The following HSPA12A variants were observed in gnomAD, a reference collection of about 807,000 sequenced individuals.
HSPA12A encodes heat shock protein family A (Hsp70) member 12A.
HSPA12A carries 28 observed loss-of-function variants against 69.2 expected under a neutral mutation model. That is an observed-to-expected ratio of 0.40 (90% CI 0.30 to 0.55). HSPA12A has a LOEUF of 0.55. HSPA12A is among the 20% of genes least tolerant of loss of function. The pLI is 0.38. For missense variants in HSPA12A, 686 were observed against 900.7 expected, an observed-to-expected ratio of 0.76 and a Z score of 3.05; for synonymous variants, 345 against 370.5, an observed-to-expected ratio of 0.93 and a Z score of 0.79.
chr10:116,782,360 C>T (rs1554891888), intron 2 of HSPA12A, among the ~76,000 whole-genome samples: 1 of 152,258 alleles, frequency 6.6e-6, no homozygotes, highest in Non-Finnish European at 1.5e-5. Context: ...AGCAACCCCA[C>T]TAGCATAGCC....
Position 116,710,607 on chromosome 10 carries a change from A to G in HSPA12A, c.41-3322T>C, listed in dbSNP as rs1850392238. On this transcript the variant is annotated intron_variant, in intron 1 of 11. Transcript: ENST00000369209. This position sits in a 1 kb window ranked among gnomAD's most constrained non-coding sequence, Gnocchi z 4.1. ...CATTTGACTTGCTGATCACTCAGCC[A>G]GGCCTAGAGGCAGCCGAACTTCATG... is the stretch of plus-strand genomic sequence containing the variant. Among the ~76,000 whole-genome samples, 1 of 152,228 alleles carries G rather than the reference A, an allele frequency of 6.6e-6. No homozygotes were observed. Among genetic ancestry groups the G allele is most frequent in the Non-Finnish European group, 1.5e-5 (1 of 68,034 alleles).
chr10:116,678,586 G>GAAA (rs11435803), intron 10 of HSPA12A, among the ~76,000 whole-genome samples: 6 of 128,650 alleles, frequency 4.7e-5, no homozygotes, highest in Non-Finnish European at 6.3e-5. Context: ...GGTACAAAGT[G>GAAA]AAAAAAAAAA....
At chr10:116,808,695 G>A (rs1845116107) in intron 2 of HSPA12A, among the ~76,000 whole-genome samples, 1 of 152,122 alleles carries the variant, frequency 6.6e-6, no homozygotes, top group East Asian at 1.9e-4. Flanking sequence ...ATCCATGATT[G>A]TGCTGCCATC....
intron 2 of HSPA12A, among the ~76,000 whole-genome samples, chr10:116,795,266 T>A (rs1054801185): frequency 7.9e-5 from 12 of 152,208 alleles, no homozygotes; most frequent in African/African-American, 2.9e-4. Context: ...AGAGGATGAT[T>A]TTCAGTGTAC....
chr10:116,728,427 A>G (rs1554885321), intron 1 of HSPA12A, among the ~76,000 whole-genome samples: 2 of 152,232 alleles, frequency 1.3e-5, no homozygotes, highest in Non-Finnish European at 2.9e-5. Flanking sequence ...TAATTCAATA[A>G]GCTACCACAA....
intron 1 of HSPA12A, among the ~76,000 whole-genome samples, chr10:116,843,066 A>G (rs896109610): frequency 2.0e-5 from 3 of 152,248 alleles, no homozygotes; most frequent in Admixed American, 6.5e-5. Context: ...TTTGGTCTTC[A>G]GTGTCAAAGG....
At chr10:116,678,012 G>A (rs2420325) in intron 10 of HSPA12A, among the ~76,000 whole-genome samples, 94,008 of 151,182 alleles carry the variant, frequency 0.62, 30,333 homozygotes, top group South Asian at 0.81. Flanking sequence ...CATAAATGGA[G>A]GTTGAAACCC....
Position 116,683,878 on chromosome 10 carries a change from G to T in HSPA12A, c.748C>A (p.Arg250=), listed in dbSNP as rs1487123873. 5 of 1,597,860 alleles carry T rather than the reference G, an allele frequency of 3.1e-6. No individual in the cohort carries two copies. The highest frequency in any genetic ancestry group is 4.3e-6 in the Non-Finnish European group (5 of 1,167,576). Residue 250 remains arginine, a synonymous_variant, in exon 7 of 12, where the codon CGG becomes AGG. Coordinates refer to ENST00000369209, the MANE Select transcript of HSPA12A (RefSeq NM_025015.3). ...CTCAGCTCAATCATCTGGTGTAGCC[G>T]CAGCTTTCGGCAGTAGATAGAGGCT... The part of the protein sequence containing the change: ...EAASIYCRKL[R]LHQMIELSSK...
chr10:116,755,329 C>T (rs1486062267), intron 2 of HSPA12A, among the ~76,000 whole-genome samples: 4 of 151,812 alleles, frequency 2.6e-5, no homozygotes, highest in Non-Finnish European at 4.4e-5. Flanking sequence ...ATGAAGGTGG[C>T]GGCTGGGCAC....
At position 116,674,581 on chromosome 10, in the gene HSPA12A, T is replaced by G; in HGVS notation, c.*200A>C. ...TCCTTTAATTTTCTATGCCTAAACC[T>G]TAATCTTAATTTCTGTTTTTCTGAC... On this transcript the variant is annotated 3_prime_UTR_variant, in exon 12 of 12. Transcript: ENST00000369209. 1 of 616,762 alleles carries G rather than the reference T, an allele frequency of 1.6e-6. No homozygotes were observed. Among genetic ancestry groups the G allele is most frequent in the Non-Finnish European group, 2.8e-6 (1 of 356,240 alleles). 38.2% of individuals were successfully genotyped at this position (616,762 alleles called of 1,614,324 possible).
At chr10:116,826,899 G>A (rs1481846393) in intron 2 of HSPA12A, among the ~76,000 whole-genome samples, 1 of 152,150 alleles carries the variant, frequency 6.6e-6, no homozygotes, top group Non-Finnish European at 1.5e-5. Flanking sequence ...ACCCAATGAG[G>A]CGGATACTTA....
chr10:116,727,627 A>C (rs1462533520), intron 1 of HSPA12A, among the ~76,000 whole-genome samples: 2 of 152,178 alleles, frequency 1.3e-5, no homozygotes, highest in African/African-American at 2.4e-5. Flanking sequence ...CCATACTTTG[A>C]GTAGCCAAAC....
At chr10:116,698,603 C>A (rs1849985913) in intron 5 of HSPA12A, 32 bp downstream of exon 5, 7 of 1,568,308 alleles carry the variant, frequency 4.5e-6, no homozygotes, top group Non-Finnish European at 6.1e-6. Context: ...CCGCCTAGCA[C>A]ACAGCTGGCT....
At chr10:116,745,242 T>G (rs1851623103), upstream of HSPA12A, among the ~76,000 whole-genome samples, 1 of 152,210 alleles carries the variant, frequency 6.6e-6, no homozygotes, top group Non-Finnish European at 1.5e-5. Context: ...TAATAAATCC[T>G]TGATGCTTGA....
At chr10:116,743,028 T>C (rs1406088253), upstream of HSPA12A, among the ~76,000 whole-genome samples, 2 of 151,908 alleles carry the variant, frequency 1.3e-5, no homozygotes, top group African/African-American at 4.8e-5. Context: ...GGAGCGGCCC[T>C]GGGCCGGCGC....
chr10:116,839,093 G>A (rs1845762851), intron 1 of HSPA12A, among the ~76,000 whole-genome samples: 1 of 152,212 alleles, frequency 6.6e-6, no homozygotes, highest in African/African-American at 2.4e-5. Context: ...CTGTTGCAAT[G>A]TTTGTATTCA....
chr10:116,813,289 A>G (rs932784576), intron 2 of HSPA12A, among the ~76,000 whole-genome samples: 2 of 114,176 alleles, frequency 1.8e-5, no homozygotes, highest in East Asian at 2.7e-4. Context: ...TCTGTTGCCC[A>G]TGCTGGAGTG....
chr10:116,774,895 C>A (rs1342661326), intron 2 of HSPA12A, among the ~76,000 whole-genome samples: 1 of 152,200 alleles, frequency 6.6e-6, no homozygotes, highest in Non-Finnish European at 1.5e-5. Context: ...GTTGGCTATA[C>A]TGCCATGGCA....
At chr10:116,757,494 G>C (rs1843876425) in intron 2 of HSPA12A, among the ~76,000 whole-genome samples, 1 of 152,200 alleles carries the variant, frequency 6.6e-6, no homozygotes, top group Non-Finnish European at 1.5e-5. Flanking sequence ...CAACAGCAAA[G>C]AGTGAGAGGG....
Sources: gnomAD v4.1 joint callset for allele counts (sites outside exome capture counted in the v4.1 genomes callset) on GRCh38, gnomAD v4.1.1 for gene constraint, Gnocchi (gnomAD v3.1) non-coding constraint, MANE v1.5 for transcripts, NCBI Gene and HGNC (gene_info 2026-07-23, HGNC 2026-07-21) for gene names.